ZNF674: variants seen among roughly 807,000 people sequenced by gnomAD.
ZNF674 encodes zinc finger protein 674.
Under a neutral mutation model 7.0 loss-of-function variants are expected in ZNF674, and 2 were observed. That is an observed-to-expected ratio of 0.29 (90% CI 0.12 to 0.90). The LOEUF (loss-of-function observed/expected upper bound fraction) is 0.90. ZNF674 is among the 40% of genes least tolerant of loss of function. The pLI is 0.57. For missense variants in ZNF674, 297 were observed against 415.5 expected (o/e 0.71, Z 2.48); for synonymous variants, 103 against 145.2 (o/e 0.71, Z 2.09).
chrX:46,515,227 G>C (rs1026197661), intron 5 of ZNF674, among the ~76,000 whole-genome samples: 1 of 110,490 alleles, frequency 9.1e-6, no homozygotes, highest in Admixed American at 9.7e-5. Flanking sequence ...AAATTAGCCA[G>C]GCATGGTGGT....
chrX:46,536,787 AAAAG>A (rs1355942626), intron 3 of ZNF674, among the ~76,000 whole-genome samples: 1 of 111,317 alleles, frequency 9.0e-6, no homozygotes, highest in African/African-American at 3.3e-5. Context: ...AAATAAAAGA[AAAAG>A]AAAGAAAACC....
At chrX:46,513,603 T>C (rs1960580349) in intron 5 of ZNF674, among the ~76,000 whole-genome samples, 1 of 112,181 alleles carries the variant, frequency 8.9e-6, no homozygotes, top group Non-Finnish European at 1.9e-5. Context: ...CTGCAATCCA[T>C]GCTTTTAGGG....
At chrX:46,505,908 C>T (rs1048697293) in intron 5 of ZNF674, among the ~76,000 whole-genome samples, 3 of 112,292 alleles carry the variant, frequency 2.7e-5, no homozygotes, top group Non-Finnish European at 5.6e-5. Context: ...AAACTGGTAG[C>T]CTCACAGCTA....
chrX:46,501,352 T>C lies in ZNF674; in HGVS notation c.239-17A>G, dbSNP rs780327759. 3 of 1,193,967 alleles carry C rather than the reference T, an allele frequency of 2.5e-6. No homozygotes were observed. The Admixed American group carries it at 6.9e-5, about 27-fold the overall frequency. ...CCCAGACTTCTAGAAGAAAATGCAA[T>C]GAATCATCAAACTTGTCTTCCCACT... On this transcript the variant is annotated splice_polypyrimidine_tract_variant and intron_variant, in intron 5 of 5. Coordinates refer to ENST00000683375, the MANE Select transcript of ZNF674 (RefSeq NM_001190417.2).
chrX:46,500,045 T>A lies in ZNF674; in HGVS notation c.1529A>T (p.His510Leu). 1 of 1,211,567 alleles carries A rather than the reference T, an allele frequency of 8.3e-7. No homozygotes were observed. Among genetic ancestry groups the A allele is most frequent in the Non-Finnish European group, 1.1e-6 (1 of 895,250 alleles). ...AFSRKSTLIK[H>L]QRIHTGEKPY... ...TTTTTCTCCTGTATGAATTCTCTGA[T>A]GTTTGATGAGAGTTGACTTCCTACT... The change falls in exon 6 of 6, where the codon CAT becomes CTT. Residue 510 changes from histidine (H) to leucine (L), a missense_variant. Coordinates refer to ENST00000683375, the MANE Select transcript of ZNF674 (RefSeq NM_001190417.2).
intron 3 of ZNF674, among the ~76,000 whole-genome samples, chrX:46,540,654 A>C (rs1478885779): frequency 9.0e-6 from 1 of 111,682 alleles, no homozygotes; most frequent in East Asian, 2.8e-4. Context: ...GGGCAAATTT[A>C]AGTCTCACTA....
intron 5 of ZNF674, among the ~76,000 whole-genome samples, chrX:46,515,276 C>T (rs1433059713): frequency 9.3e-6 from 1 of 107,154 alleles, no homozygotes; most frequent in Non-Finnish European, 1.9e-5. Flanking sequence ...GGCTGAGACA[C>T]GAGAATCACT....
chrX:46,503,165 G>T (rs1321184040), intron 5 of ZNF674, among the ~76,000 whole-genome samples: 1 of 111,985 alleles, frequency 8.9e-6, no homozygotes, highest in Non-Finnish European at 1.9e-5. Flanking sequence ...CCCCTATAAA[G>T]AAATAATTAT....
At chrX:46,535,296 A>G (rs910154638) in intron 3 of ZNF674, among the ~76,000 whole-genome samples, 3 of 110,210 alleles carry the variant, frequency 2.7e-5, no homozygotes, top group African/African-American at 9.9e-5. Context: ...ATAGGCACGC[A>G]CCACCACGTC....
intron 3 of ZNF674, among the ~76,000 whole-genome samples, chrX:46,537,132 C>G (rs13440472): frequency 0.31 from 34,114 of 109,223 alleles, 3,981 homozygotes; most frequent in Middle Eastern, 0.38. Flanking sequence ...TTAGCTGGGC[C>G]TGGTGGCGTG....
intron 3 of ZNF674, among the ~76,000 whole-genome samples, chrX:46,531,265 G>C (rs192670647): frequency 8.9e-6 from 1 of 111,791 alleles, no homozygotes; most frequent in East Asian, 2.8e-4. Context: ...TGTATCTTCT[G>C]TAATATCCTT....
intron 5 of ZNF674, among the ~76,000 whole-genome samples, chrX:46,509,852 C>A (rs758091459): frequency 9.2e-6 from 1 of 108,823 alleles, no homozygotes; most frequent in Non-Finnish European, 1.9e-5. Flanking sequence ...ATGTTTATTG[C>A]GTCATTATTC....
intron 3 of ZNF674, 30 bp downstream of exon 3, chrX:46,542,043 G>GA (rs1556022313): frequency 8.4e-7 from 1 of 1,191,944 alleles, no homozygotes; most frequent in South Asian, 1.8e-5. Context: ...AATTTCACTG[G>GA]AAAAAAAGTA....
intron 5 of ZNF674, among the ~76,000 whole-genome samples, chrX:46,521,782 G>A (rs918399838): frequency 3.7e-5 from 4 of 108,731 alleles, no homozygotes; most frequent in Non-Finnish European, 7.6e-5. Flanking sequence ...CCAGCTACTC[G>A]GGAGGCTGAG....
intron 2 of ZNF674, among the ~76,000 whole-genome samples, chrX:46,542,439 T>G (rs1353072997): frequency 8.9e-6 from 1 of 112,218 alleles, no homozygotes; most frequent in Non-Finnish European, 1.9e-5. Flanking sequence ...ATTTCCACTA[T>G]GAAAAATCTG....
At chrX:46,535,491 A>T (rs28520170) in intron 3 of ZNF674, among the ~76,000 whole-genome samples, 31,066 of 110,940 alleles carry the variant, frequency 0.28, 3,297 homozygotes, top group Middle Eastern at 0.38. Flanking sequence ...GAAAAGTATT[A>T]GAAATATACA....
At chrX:46,515,857 C>A (rs765336578) in intron 5 of ZNF674, among the ~76,000 whole-genome samples, 1 of 111,113 alleles carries the variant, frequency 9.0e-6, no homozygotes, top group Admixed American at 9.7e-5. Flanking sequence ...CAATCCCCCC[C>A]ACCTCAGCCT....
At position 46,499,840 on chromosome X, in the gene ZNF674, T is replaced by G; in HGVS notation, c.*3A>C. 1 of 1,118,314 alleles carries G rather than the reference T, an allele frequency of 8.9e-7. No homozygotes were observed. 92.2% of individuals were successfully genotyped at this position (1,118,314 alleles called of 1,213,427 possible). On this transcript the variant is annotated 3_prime_UTR_variant, in exon 6 of 6. Transcript: ENST00000683375. Reference sequence around the variant, plus strand: ...AGTATAATTATCCCACTCTCAAGTATAATCATAGGTTTTTATCTCCTGTGT... The same window carrying G: ...AGTATAATTATCCCACTCTCAAGTAGAATCATAGGTTTTTATCTCCTGTGT...
At chrX:46,507,302 T>TA (rs1941559602) in intron 5 of ZNF674, among the ~76,000 whole-genome samples, 1 of 111,542 alleles carries the variant, frequency 9.0e-6, no homozygotes, top group Non-Finnish European at 1.9e-5. Context: ...CAGGCTGCAG[T>TA]AAGCCAAGAC....
Sources: gnomAD v4.1 joint callset for allele counts (sites outside exome capture counted in the v4.1 genomes callset) on GRCh38, gnomAD v4.1.1 for gene constraint, MANE v1.5 for transcripts, NCBI Gene and HGNC (gene_info 2026-07-23, HGNC 2026-07-21) for gene names.